ARHGAP25: variants seen among roughly 807,000 people sequenced by gnomAD.
ARHGAP25 encodes rho GTPase-activating protein 25.
In ARHGAP25, 34 loss-of-function variants were observed where a neutral mutation model predicts 71.0. The ratio of observed to expected loss-of-function variants is 0.48; its 90% CI spans 0.36 to 0.64. The LOEUF is 0.64. Among genes scored for constraint, ARHGAP25 ranks in the 30% least tolerant of loss-of-function variants. The pLI, the probability that ARHGAP25 is intolerant of heterozygous loss-of-function variation, is 0.00. For synonymous variants in ARHGAP25, 282 were observed against 296.5 expected (o/e 0.95, Z 0.50); for missense variants, 706 against 805.1 (o/e 0.88, Z 1.49).
intron 2 of ARHGAP25, among the ~76,000 whole-genome samples, chr2:68,725,380 A>G (rs1674858757): frequency 6.6e-6 from 1 of 152,184 alleles, no homozygotes; most frequent in African/African-American, 2.4e-5. Flanking sequence ...GCTGGAGTAC[A>G]GTGATGTGAT....
chr2:68,711,217 C>T (rs1674474884), intron 2 of ARHGAP25, among the ~76,000 whole-genome samples: 2 of 152,120 alleles, frequency 1.3e-5, no homozygotes, highest in Admixed American at 1.3e-4. Flanking sequence ...TCATGAACAT[C>T]CATGGTGCTG....
At chr2:68,711,929 G>T (rs4854496) in intron 2 of ARHGAP25, among the ~76,000 whole-genome samples, 35,751 of 151,982 alleles carry the variant, frequency 0.24, 4,459 homozygotes, top group East Asian at 0.37. Context: ...GTGCATTTGG[G>T]TTGGTTCCAA....
intron 4 of ARHGAP25, among the ~76,000 whole-genome samples, chr2:68,797,375 G>A (rs892953909): frequency 6.6e-6 from 1 of 152,154 alleles, no homozygotes; most frequent in Non-Finnish European, 1.5e-5. Flanking sequence ...CCCAGTCCCA[G>A]CAAAGTTCCC....
At chr2:68,772,497 A>G (rs1444786345) in intron 1 of ARHGAP25, among the ~76,000 whole-genome samples, 4 of 152,350 alleles carry the variant, frequency 2.6e-5, no homozygotes, top group African/African-American at 7.2e-5. Context: ...GAAGTGGGGG[A>G]GAATGCCTCT....
At chr2:68,762,534 G>T (rs1019786546) in intron 1 of ARHGAP25, among the ~76,000 whole-genome samples, 1 of 152,062 alleles carries the variant, frequency 6.6e-6, no homozygotes, top group Non-Finnish European at 1.5e-5. Flanking sequence ...GAGGGATTTG[G>T]AATTAGGACC....
intron 2 of ARHGAP25, among the ~76,000 whole-genome samples, chr2:68,715,976 A>G (rs1422923767): frequency 6.6e-6 from 1 of 152,162 alleles, no homozygotes; most frequent in Non-Finnish European, 1.5e-5. Flanking sequence ...AGTCGTTTTC[A>G]CACCTGCCAT....
intron 2 of ARHGAP25, among the ~76,000 whole-genome samples, chr2:68,714,098 G>C (rs1481718861): frequency 1.3e-5 from 2 of 150,258 alleles, no homozygotes; most frequent in Non-Finnish European, 3.0e-5. Context: ...GAGTTTGGCT[G>C]TGAATCCGTC....
intron 1 of ARHGAP25, among the ~76,000 whole-genome samples, chr2:68,751,515 T>G (rs1260257622): frequency 6.6e-6 from 1 of 152,224 alleles, no homozygotes; most frequent in African/African-American, 2.4e-5. Context: ...CACCTGCCAT[T>G]GCCATTTTCC....
chr2:68,777,127 C>T (rs1480828703), intron 2 of ARHGAP25, among the ~76,000 whole-genome samples: 1 of 152,124 alleles, frequency 6.6e-6, no homozygotes, highest in African/African-American at 2.4e-5. Context: ...TAAAGCCAAG[C>T]AATTCCAGGC....
rs1160239969 is a variant in ARHGAP25 at position 68,819,263 on chromosome 2, G to A, written c.1144G>A (p.Gly382Ser). 1.9e-6 allele frequency: 3 copies of A among 1,614,186 alleles called. No homozygotes were observed. The highest frequency in any genetic ancestry group is 2.5e-6 in the Non-Finnish European group (3 of 1,180,034). Residue 382 changes from glycine (G) to serine (S), a missense_variant, in exon 9 of 11, where the codon GGC becomes AGC. Transcript: ENST00000409202. ...KKAPVARSSVGWDATEDLRIS... is the reference protein window; with the variant it reads ...KKAPVARSSVSWDATEDLRIS... Reference sequence around the variant, plus strand: ...AGCTCCAGTGGCCCGAAGCTCTGTAGGCTGGGATGCCACTGAAGACCTCCG... The same window carrying A: ...AGCTCCAGTGGCCCGAAGCTCTGTAAGCTGGGATGCCACTGAAGACCTCCG...
At chr2:68,738,638 A>G (rs2104284950) in intron 1 of ARHGAP25, among the ~76,000 whole-genome samples, 1 of 152,192 alleles carries the variant, frequency 6.6e-6, no homozygotes, top group South Asian at 2.1e-4. Context: ...GTCCCCACAC[A>G]TGCAAGTAGA....
At chr2:68,814,710 T>C (rs936233218) in intron 6 of ARHGAP25, among the ~76,000 whole-genome samples, 1 of 152,208 alleles carries the variant, frequency 6.6e-6, no homozygotes, top group Admixed American at 6.5e-5. Context: ...CTTCCATCCC[T>C]GACTAAGGGT....
intron 1 of ARHGAP25, among the ~76,000 whole-genome samples, chr2:68,756,277 T>C (rs563201414): frequency 6.6e-6 from 1 of 152,300 alleles, no homozygotes; most frequent in South Asian, 2.1e-4. Context: ...TGGGAAAAAA[T>C]GAACCCTGTC....
At chr2:68,764,783 G>A (rs1489507977) in intron 1 of ARHGAP25, among the ~76,000 whole-genome samples, 1 of 152,106 alleles carries the variant, frequency 6.6e-6, no homozygotes, top group Non-Finnish European at 1.5e-5. Flanking sequence ...CTCCCTCTGG[G>A]GCAGGCTGTT....
intron 6 of ARHGAP25, 26 bp from the exon 7 acceptor site, chr2:68,816,263 A>G: frequency 6.2e-7 from 1 of 1,600,094 alleles, no homozygotes; most frequent in Non-Finnish European, 8.6e-7. Context: ...CTGGTAAATG[A>G]TTTACTTGTG....
chr2:68,819,686 G>C, intron 9 of ARHGAP25: 2 of 540,660 alleles, frequency 3.7e-6, no homozygotes, highest in Non-Finnish European at 6.5e-6. Flanking sequence ...CTGGGTGAAC[G>C]TCCAGAGAAA....
intron 2 of ARHGAP25, chr2:68,775,708 G>A (rs749328849): frequency 1.7e-6 from 1 of 578,512 alleles, no homozygotes; most frequent in South Asian, 1.5e-5. Context: ...CTCAGTCAAG[G>A]GCTCAGAGAG....
intron 4 of ARHGAP25, among the ~76,000 whole-genome samples, chr2:68,790,598 T>C (rs1487749853): frequency 6.6e-6 from 1 of 152,176 alleles, no homozygotes; most frequent in African/African-American, 2.4e-5. Context: ...GCCACCTCTT[T>C]CTAGCCCTTT....
chr2:68,758,816 T>C (rs1573452706), intron 1 of ARHGAP25, among the ~76,000 whole-genome samples: 1 of 152,014 alleles, frequency 6.6e-6, no homozygotes, highest in African/African-American at 2.4e-5. Context: ...TCTTGTCAAG[T>C]GCACATGGAT....
Sources: gnomAD v4.1 joint callset for allele counts (sites outside exome capture counted in the v4.1 genomes callset) on GRCh38, gnomAD v4.1.1 for gene constraint, MANE v1.5 for transcripts, NCBI Gene and HGNC (gene_info 2026-07-23, HGNC 2026-07-21) for gene names.